Variants in COL10A1 observed in about 807,000 individuals in gnomAD.
The protein encoded by COL10A1 is collagen alpha-1(X) chain.
COL10A1 carries 10 observed loss-of-function variants against 18.2 expected under a neutral mutation model. The ratio of observed to expected loss-of-function variants is 0.55; its 90% CI spans 0.34 to 0.93. The LOEUF is 0.93. Among genes scored for constraint, COL10A1 ranks in the 40% least tolerant of loss-of-function variants. The pLI, the probability that COL10A1 is intolerant of heterozygous loss-of-function variation, is 0.02. For missense variants in COL10A1, 897 were observed against 853.5 expected, an observed-to-expected ratio of 1.05 and a Z score of -0.64; for synonymous variants, 330 against 316.6, an observed-to-expected ratio of 1.04 and a Z score of -0.45.
the COL10A1 span, among the ~76,000 whole-genome samples, chr6:116,193,685 C>T: frequency 9.2e-5 from 14 of 151,960 alleles, no homozygotes; most frequent in African/African-American, 1.4e-4. Flanking sequence ...ATTTTCAAAG[C>T]GTGCTTTAAT....
chr6:116,148,493 C>T (rs1779952253), intron 1 of COL10A1, among the ~76,000 whole-genome samples: 1 of 152,044 alleles, frequency 6.6e-6, no homozygotes, highest in Non-Finnish European at 1.5e-5. Flanking sequence ...CTGGTACTAC[C>T]CAATCTTGCA....
upstream of COL10A1, among the ~76,000 whole-genome samples, chr6:116,163,141 A>AT (rs1554197064): frequency 4.4e-3 from 391 of 88,372 alleles, 3 homozygotes; most frequent in Non-Finnish European, 6.6e-3. Context: ...AAAAAAAAAA[A>AT]ATATATATAT....
chr6:116,213,854 C>T, the COL10A1 span, among the ~76,000 whole-genome samples: 2 of 151,968 alleles, frequency 1.3e-5, no homozygotes, highest in Non-Finnish European at 2.9e-5. Flanking sequence ...GAAGGGAATT[C>T]TTATTGGGGA....
chr6:116,169,074 T>C, the COL10A1 span, among the ~76,000 whole-genome samples: 2 of 152,218 alleles, frequency 1.3e-5, no homozygotes, highest in Non-Finnish European at 2.9e-5. Context: ...CTCTTGAAGA[T>C]TGCGACTTCT....
At chr6:116,178,100 C>CGTGTGT in the COL10A1 span, among the ~76,000 whole-genome samples, 4 of 102,878 alleles carry the variant, frequency 3.9e-5, no homozygotes, top group South Asian at 2.9e-4. Context: ...CGCGCGCGCG[C>CGTGTGT]GCGTGCGTGC....
At chr6:116,156,702 C>T (rs1780203929) in intron 1 of COL10A1, among the ~76,000 whole-genome samples, 2 of 152,166 alleles carry the variant, frequency 1.3e-5, no homozygotes, top group Admixed American at 6.5e-5. Context: ...TCTTATTGTA[C>T]TTTCATAATA....
the COL10A1 span, among the ~76,000 whole-genome samples, chr6:116,193,679 T>C: frequency 1.3e-5 from 2 of 152,098 alleles, no homozygotes; most frequent in Admixed American, 6.6e-5. Flanking sequence ...AAGAGTATTT[T>C]CAAAGCGTGC....
the COL10A1 span, among the ~76,000 whole-genome samples, chr6:116,174,434 T>C: frequency 6.6e-6 from 1 of 152,242 alleles, no homozygotes; most frequent in African/African-American, 2.4e-5. Flanking sequence ...GAAAAGACGA[T>C]ATGCATGATT....
At chr6:116,171,614 C>CA in the COL10A1 span, among the ~76,000 whole-genome samples, 1 of 152,164 alleles carries the variant, frequency 6.6e-6, no homozygotes, top group African/African-American at 2.4e-5. Flanking sequence ...AGCAGGAAGA[C>CA]AGTGTATTCT....
chr6:116,194,045 T>TCAA, the COL10A1 span, among the ~76,000 whole-genome samples: 1 of 151,816 alleles, frequency 6.6e-6, no homozygotes, highest in South Asian at 2.1e-4. Context: ...AAACCCTGTC[T>TCAA]CAACAACAAC....
chr6:116,212,144 C>G, the COL10A1 span, among the ~76,000 whole-genome samples: 11 of 151,974 alleles, frequency 7.2e-5, no homozygotes, highest in Non-Finnish European at 1.6e-4. Context: ...GTTAATAACT[C>G]TGTCAAAACA....
intron 1 of COL10A1, among the ~76,000 whole-genome samples, chr6:116,157,250 A>T (rs1780218993): frequency 6.6e-6 from 1 of 152,140 alleles, no homozygotes; most frequent in Non-Finnish European, 1.5e-5. Flanking sequence ...ATATCTCTTG[A>T]GTTAATTACA....
chr6:116,153,874 G>A (rs569808094), intron 1 of COL10A1, among the ~76,000 whole-genome samples: 2 of 152,048 alleles, frequency 1.3e-5, no homozygotes, highest in African/African-American at 4.8e-5. Flanking sequence ...AATGCAATTT[G>A]GCAAAATAAG....
At chr6:116,198,932 A>G in the COL10A1 span, among the ~76,000 whole-genome samples, 1 of 152,026 alleles carries the variant, frequency 6.6e-6, no homozygotes, top group South Asian at 2.1e-4. Flanking sequence ...AATTAGATGA[A>G]GAATCTTCTA....
the COL10A1 span, among the ~76,000 whole-genome samples, chr6:116,180,052 C>G: frequency 3.9e-5 from 6 of 152,160 alleles, no homozygotes; most frequent in African/African-American, 1.4e-4. Context: ...GTGGTGTTCT[C>G]TATAACTGTG....
intron 1 of COL10A1, among the ~76,000 whole-genome samples, chr6:116,152,480 T>C (rs1323148719): frequency 6.6e-6 from 1 of 152,156 alleles, no homozygotes; most frequent in Admixed American, 6.6e-5. Context: ...ATGGTGATTA[T>C]CTACCCCACC....
At chr6:116,165,425 G>A in the COL10A1 span, among the ~76,000 whole-genome samples, 230 of 152,254 alleles carry the variant, frequency 1.5e-3, 1 homozygote, top group Middle Eastern at 0.014. Flanking sequence ...CTACCAATAT[G>A]TTTTCCAAAT....
chr6:116,190,959 G>T, the COL10A1 span, among the ~76,000 whole-genome samples: 1 of 151,958 alleles, frequency 6.6e-6, no homozygotes, highest in East Asian at 1.9e-4. Context: ...AACTGGAAAA[G>T]ACTTGAGAAA....
chr6:116,154,009 C>T (rs1311762459), intron 1 of COL10A1, among the ~76,000 whole-genome samples: 1 of 149,446 alleles, frequency 6.7e-6, no homozygotes, highest in East Asian at 2.0e-4. Flanking sequence ...ATGTACAATA[C>T]ATGCCTAAAG....
Sources: gnomAD v4.1 joint callset for allele counts (sites outside exome capture counted in the v4.1 genomes callset) on GRCh38, gnomAD v4.1.1 for gene constraint, MANE v1.5 for transcripts, NCBI Gene and HGNC (gene_info 2026-07-23, HGNC 2026-07-21) for gene names.